The following BTBD8 variants were observed in gnomAD, a reference collection of about 807,000 sequenced individuals.
The protein encoded by BTBD8 is BTB/POZ domain-containing protein 8.
Under a neutral mutation model 162.9 loss-of-function variants are expected in BTBD8, and 110 were observed. The ratio of observed to expected loss-of-function variants is 0.68; its 90% CI spans 0.58 to 0.79. BTBD8 has a LOEUF of 0.79. Ranked by LOEUF, BTBD8 falls within the 30% of genes least tolerant of loss-of-function variation. The pLI is 0.00. For missense variants in BTBD8, 1,905 were observed against 2,085.4 expected (o/e 0.91, Z 1.68); for synonymous variants, 667 against 716.1 (o/e 0.93, Z 1.10).
chr1:92,158,738 C>G (rs1650216001), intron 9 of BTBD8, among the ~76,000 whole-genome samples: 3 of 151,934 alleles, frequency 2.0e-5, no homozygotes, highest in Admixed American at 1.3e-4. Flanking sequence ...CTATACTTTC[C>G]TCTCAGTTTT....
At chr1:92,166,781 A>T (rs1650397861) in intron 9 of BTBD8, among the ~76,000 whole-genome samples, 177 bp from the exon 10 acceptor site, 1 of 152,178 alleles carries the variant, frequency 6.6e-6, no homozygotes, top group Non-Finnish European at 1.5e-5. Flanking sequence ...ACCCTTTTGA[A>T]TAATTCTGAA....
chr1:92,098,415 A>G (rs540770760), intron 2 of BTBD8, among the ~76,000 whole-genome samples: 3 of 152,310 alleles, frequency 2.0e-5, no homozygotes, highest in Admixed American at 1.3e-4. Context: ...GTGGGAACAT[A>G]CATTTTCAAG....
Position 92,181,512 on chromosome 1 carries a change from G to A in BTBD8, c.3829G>A (p.Asp1277Asn), listed in dbSNP as rs765183118. 6.4e-7 allele frequency: 1 copy of A among 1,551,630 alleles called. No individual in the cohort carries two copies. Among genetic ancestry groups the A allele is most frequent in the Admixed American group, 2.0e-5 (1 of 50,970 alleles). The stretch of plus-strand genomic sequence containing the variant: ...CTATGATGCTGGAGGGTCTCAGGAT[G>A]ATGATGGGTCAAATGACAGAGGTAT... ...EDYDAGGSQD[D>N]DGSNDRGISK... Residue 1277 changes from aspartate to asparagine, a missense_variant, in exon 17 of 18, where the codon GAT becomes AAT. Physicochemically the swap from Asp to Asn is conservative, Grantham distance 23. This residue lies in a region of BTBD8 where 517 missense variants were observed against 606.6 expected (regional missense o/e 0.85). Transcript: ENST00000636805.
chr1:92,182,099 T>C lies in BTBD8; in HGVS notation c.4416T>C (p.Phe1472=). The C allele has an allele frequency of 6.4e-7, 1 of 1,551,612 alleles. No homozygotes were observed. The highest frequency in any genetic ancestry group is 8.7e-7 in the Non-Finnish European group (1 of 1,146,944). The part of the protein sequence containing the change: ...SVDSFSPSDV[F]DGISHEHHGR... Reference sequence around the variant, plus strand: ...ATTCTTTTTCACCTTCTGATGTTTTTGATGGCATTTCTCATGAACATCATG... The same window carrying C: ...ATTCTTTTTCACCTTCTGATGTTTTCGATGGCATTTCTCATGAACATCATG... The change falls in exon 17 of 18, where the codon TTT becomes TTC. Residue 1472 remains phenylalanine, a synonymous_variant. Coordinates refer to ENST00000636805, the MANE Select transcript of BTBD8 (RefSeq NM_001376131.1).
At chr1:92,092,786 T>G (rs1015593874) in intron 2 of BTBD8, among the ~76,000 whole-genome samples, 2 of 152,228 alleles carry the variant, frequency 1.3e-5, no homozygotes, top group African/African-American at 4.8e-5. Context: ...TTTATATGTC[T>G]AAGAAACTTC....
chr1:92,157,146 C>T (rs1195764054), intron 9 of BTBD8, among the ~76,000 whole-genome samples: 1 of 151,946 alleles, frequency 6.6e-6, no homozygotes, highest in East Asian at 1.9e-4. Flanking sequence ...TTTCAAGATA[C>T]CTTCTAATTT....
chr1:92,109,803 TC>T (rs1466993450), intron 4 of BTBD8, among the ~76,000 whole-genome samples: 1 of 152,198 alleles, frequency 6.6e-6, no homozygotes, highest in Non-Finnish European at 1.5e-5. Flanking sequence ...CTCAATTACT[TC>T]TTGTTCTAGA....
At position 92,168,216 on chromosome 1, in the gene BTBD8, G is replaced by C. The variant is rs573152569; in HGVS notation, c.1443+231G>C. ...TAAAAGTTTAGAAATTGGCAGTTTGGCTGGGTAATTTTAAATTTAGTGTGA... is the reference window on the plus strand; with the variant it reads ...TAAAAGTTTAGAAATTGGCAGTTTGCCTGGGTAATTTTAAATTTAGTGTGA... On this transcript the variant is annotated intron_variant, in intron 11 of 17. Transcript: ENST00000636805. 3.9e-5 allele frequency among the ~76,000 whole-genome samples: 6 copies of C among 152,150 alleles called. 1 individual carries two copies. The highest frequency in any genetic ancestry group is 1.4e-4 in the African/African-American group (6 of 41,506).
At chr1:92,092,260 G>A (rs1286235607) in intron 2 of BTBD8, among the ~76,000 whole-genome samples, 1 of 152,046 alleles carries the variant, frequency 6.6e-6, no homozygotes, top group East Asian at 1.9e-4. Context: ...AAATTAGCTG[G>A]ATGTGGTGGT....
chr1:92,107,114 A>G (rs868658061), intron 3 of BTBD8, among the ~76,000 whole-genome samples: 1 of 152,222 alleles, frequency 6.6e-6, no homozygotes, highest in South Asian at 2.1e-4. Context: ...AGATAATCCA[A>G]TATTGTTGTT....
chr1:92,139,484 T>A, intron 6 of BTBD8, 54 bp downstream of exon 6: 1 of 1,572,008 alleles, frequency 6.4e-7, no homozygotes, highest in Non-Finnish European at 8.6e-7. Flanking sequence ...TTCTGCTTTG[T>A]TGAGCTGTGT....
chr1:92,138,758 A>T (rs1390029523), intron 5 of BTBD8, among the ~76,000 whole-genome samples: 1 of 152,210 alleles, frequency 6.6e-6, no homozygotes, highest in Non-Finnish European at 1.5e-5. Context: ...CAGAAAGAGG[A>T]CTAAGTTTGG....
At chr1:92,100,006 C>T (rs1648546471) in intron 2 of BTBD8, among the ~76,000 whole-genome samples, 3 of 152,126 alleles carry the variant, frequency 2.0e-5, no homozygotes, top group East Asian at 1.9e-4. Context: ...CATGGATGTC[C>T]TTTATCAAGT....
At chr1:92,155,227 G>A (rs899365200) in intron 9 of BTBD8, among the ~76,000 whole-genome samples, 1 of 151,968 alleles carries the variant, frequency 6.6e-6, no homozygotes, top group African/African-American at 2.4e-5. Context: ...AGATTAATTT[G>A]GCTATTCAGG....
Position 92,181,375 on chromosome 1 carries a change from T to G in BTBD8, c.3692T>G (p.Phe1231Cys). 6.4e-7 allele frequency: 1 copy of G among 1,551,686 alleles called. No individual in the cohort carries two copies. Among genetic ancestry groups the G allele is most frequent in the Non-Finnish European group, 8.7e-7 (1 of 1,146,978 alleles). The change falls in exon 17 of 18, where the codon TTT becomes TGT. Residue 1231 changes from phenylalanine (F) to cysteine (C), a missense_variant. Around this residue, in one of 3 missense-constraint regions of BTBD8, gnomAD observed 1,374 missense variants for 1,442.7 expected, o/e 0.95. Transcript: ENST00000636805. ...PESHETPETP[F>C]VGHWNLSTGV... ...AGCCATGAAACTCCAGAAACTCCATTTGTGGGTCACTGGAATTTGAGTACT... is the reference window on the plus strand; with the variant it reads ...AGCCATGAAACTCCAGAAACTCCATGTGTGGGTCACTGGAATTTGAGTACT...
rs79343222 is a variant in BTBD8 at position 92,176,375 on chromosome 1, A to G, written c.1636-454A>G. ...TACTTTAATCCTCAATTTCTTGTCT[A>G]AGAAATAGAAACAGCCACAGGAGCT... On this transcript the variant is annotated intron_variant, in intron 13 of 17. Coordinates refer to ENST00000636805, the MANE Select transcript of BTBD8 (RefSeq NM_001376131.1). 7.1e-3 allele frequency among the ~76,000 whole-genome samples: 1,080 copies of G among 152,310 alleles called. 9 individuals carry two copies. Among genetic ancestry groups the G allele is most frequent in the African/African-American group, 0.024 (1,018 of 41,562 alleles).
At chr1:92,107,762 C>T in intron 3 of BTBD8, 122 bp from the exon 4 acceptor site, 1 of 716,368 alleles carries the variant, frequency 1.4e-6, no homozygotes. Context: ...TTTTAATTTA[C>T]CACTTACATA....
In BTBD8 at chr1:92,184,114, C is replaced by A; in HGVS notation, c.5163C>A (p.Asp1721Glu). 7.1e-6 allele frequency: 11 copies of A among 1,551,634 alleles called. No individual in the cohort carries two copies. Among genetic ancestry groups the A allele is most frequent in the African/African-American group, 1.4e-5 (1 of 73,154 alleles). Residue 1721 changes from aspartate (D) to glutamate (E), a missense_variant, in exon 18 of 18, where the codon GAC (aspartate) becomes GAA (glutamate). Asp to Glu is a conservative substitution (Grantham distance 45, BLOSUM62 2). This residue lies in a region of BTBD8 where 517 missense variants were observed against 606.6 expected (regional missense o/e 0.85). Coordinates refer to ENST00000636805, the MANE Select transcript of BTBD8 (RefSeq NM_001376131.1). ...NLDVTNSVPE[D>E]LSLAQYLINQ... is the part of the protein sequence containing the mutation. The stretch of plus-strand genomic sequence containing the variant: ...ATGTTACAAATTCCGTTCCTGAAGA[C>A]TTAAGTTTAGCACAGTATCTAATCA...
chr1:92,105,042 C>T (rs978046763), intron 3 of BTBD8, among the ~76,000 whole-genome samples: 1 of 151,902 alleles, frequency 6.6e-6, no homozygotes, highest in Non-Finnish European at 1.5e-5. Context: ...ACGCCATTCT[C>T]CTGCCTCAGC....
Sources: gnomAD v4.1 joint callset for allele counts (sites outside exome capture counted in the v4.1 genomes callset) on GRCh38, gnomAD v4.1.1 for gene constraint, gnomAD v4.1.1 regional missense constraint, MANE v1.5 for transcripts, NCBI Gene and HGNC (gene_info 2026-07-23, HGNC 2026-07-21) for gene names.